The following NAALADL2 variants were observed in gnomAD, a reference collection of about 807,000 sequenced individuals.
NAALADL2 encodes N-acetylated alpha-linked acidic dipeptidase like 2, also known as inactive N-acetylated-alpha-linked acidic dipeptidase-like protein 2.
In NAALADL2, 76 loss-of-function variants were observed where a neutral mutation model predicts 87.2. That is an observed-to-expected ratio of 0.87 (90% confidence interval 0.72 to 1.05). The LOEUF (loss-of-function observed/expected upper bound fraction) is 1.05, where lower values mean the gene tolerates loss of function less well. Among genes scored for constraint, NAALADL2 ranks in the 50% least tolerant of loss-of-function variants. The pLI, the probability that NAALADL2 is intolerant of heterozygous loss-of-function variation, is 0.00. For synonymous variants in NAALADL2, 354 were observed against 331.0 expected, an observed-to-expected ratio of 1.07 and a Z score of -0.75; for missense variants, 1,089 against 945.8, an observed-to-expected ratio of 1.15 and a Z score of -1.99.
chr3:175,736,395 G>A (rs969715573), intron 11 of NAALADL2, among the ~76,000 whole-genome samples: 2 of 152,278 alleles, frequency 1.3e-5, no homozygotes, highest in Admixed American at 6.5e-5. Context: ...TAGAATAAAA[G>A]CATGAAGAAA....
chr3:174,974,284 T>C (rs566924881), intron 1 of NAALADL2, among the ~76,000 whole-genome samples: 1 of 152,340 alleles, frequency 6.6e-6, no homozygotes, highest in African/African-American at 2.4e-5. Flanking sequence ...AGTGGTGTGC[T>C]GTAAGGAAAA....
chr3:174,993,648 G>A (rs1270473111), intron 1 of NAALADL2, among the ~76,000 whole-genome samples: 2 of 152,188 alleles, frequency 1.3e-5, no homozygotes, highest in East Asian at 3.9e-4. Flanking sequence ...TTAGGACATA[G>A]AAAAGATGTA....
intron 11 of NAALADL2, among the ~76,000 whole-genome samples, chr3:175,683,285 T>C (rs1735844513): frequency 1.3e-5 from 2 of 152,016 alleles, no homozygotes; most frequent in Non-Finnish European, 2.9e-5. Context: ...CAATTGTATT[T>C]TTCCAGAAAA....
At position 175,803,240 on chromosome 3, in the gene NAALADL2, T is replaced by A; in HGVS notation, c.*37T>A. 6.7e-7 allele frequency: 1 copy of A among 1,491,410 alleles called. No homozygotes were observed. The highest frequency in any genetic ancestry group is 9.1e-7 in the Non-Finnish European group (1 of 1,099,582). The allele number at this position is 1,491,410 out of a possible 1,614,324, so 92.4% of individuals were successfully genotyped here. Reference sequence around the variant, plus strand: ...GCATTTTTAAAAGTTTGTTTACAATTCCACAAGCAAAAGCTCTAATTTAAC... The same window carrying A: ...GCATTTTTAAAAGTTTGTTTACAATACCACAAGCAAAAGCTCTAATTTAAC... On this transcript the variant is annotated 3_prime_UTR_variant, in exon 14 of 14. Coordinates refer to ENST00000454872, the MANE Select transcript of NAALADL2 (RefSeq NM_207015.3).
intron 1 of NAALADL2, among the ~76,000 whole-genome samples, chr3:174,867,668 A>G (rs1727326053): frequency 6.6e-6 from 1 of 152,116 alleles, no homozygotes; most frequent in South Asian, 2.1e-4. Context: ...TTATTCTAAC[A>G]TGAAAATTAG....
chr3:175,393,280 C>CAAAAAAAAAAAAAA lies in NAALADL2; in HGVS notation c.1091-53926_1091-53913dup, dbSNP rs775778803. On this transcript the variant is annotated intron_variant, in intron 5 of 13. Coordinates refer to ENST00000454872, the MANE Select transcript of NAALADL2 (RefSeq NM_207015.3). The stretch of plus-strand genomic sequence containing the variant: ...TGGGCGACAGAGCGAGACTCCGTCT[C>CAAAAAAAAAAAAAA]AAAAAAAAAAAAAAAAAAAAAAAAA... 4.4e-4 allele frequency among the ~76,000 whole-genome samples: 13 copies of CAAAAAAAAAAAAAA among 29,520 alleles called. 3 individuals carry two copies. The highest frequency in any genetic ancestry group is 5.7e-4 in the African/African-American group (4 of 6,992). 19.4% of individuals were successfully genotyped at this position (29,520 alleles called of 152,430 possible). A position where few individuals can be genotyped will look rare whatever the true frequency, so the allele number is the denominator to read the frequency against.
intron 1 of NAALADL2, among the ~76,000 whole-genome samples, chr3:174,515,227 A>G (rs1392793866): frequency 6.6e-6 from 1 of 152,098 alleles, no homozygotes; most frequent in Non-Finnish European, 1.5e-5. Flanking sequence ...GCCCTTTTCT[A>G]TTGGGCTCAT....
chr3:175,698,928 A>C (rs1030459842), intron 11 of NAALADL2, among the ~76,000 whole-genome samples: 4 of 151,982 alleles, frequency 2.6e-5, no homozygotes, highest in African/African-American at 9.7e-5. Flanking sequence ...ACATAAAACT[A>C]TCTAGCACTA....
chr3:175,156,202 T>C (rs1004041703), intron 2 of NAALADL2, among the ~76,000 whole-genome samples: 1 of 152,166 alleles, frequency 6.6e-6, no homozygotes, highest in Non-Finnish European at 1.5e-5. Flanking sequence ...TCTTCCATAT[T>C]TGAAGCTATC....
chr3:175,339,682 A>G (rs1470059842), intron 5 of NAALADL2, among the ~76,000 whole-genome samples: 1 of 152,186 alleles, frequency 6.6e-6, no homozygotes, highest in Non-Finnish European at 1.5e-5. Flanking sequence ...CCAGAAAACT[A>G]CATGTAACAT....
intron 9 of NAALADL2, among the ~76,000 whole-genome samples, chr3:175,517,503 C>T (rs1003455979): frequency 1.3e-5 from 2 of 152,016 alleles, no homozygotes; most frequent in Non-Finnish European, 2.9e-5. Context: ...CATATAAATA[C>T]ATTTCATGGC....
intron 5 of NAALADL2, among the ~76,000 whole-genome samples, chr3:175,391,364 A>T (rs1769044814): frequency 6.6e-6 from 1 of 152,214 alleles, no homozygotes; most frequent in Admixed American, 6.5e-5. Flanking sequence ...TTTCAATATT[A>T]GATTACAAAG....
At chr3:175,442,705 C>G (rs1189258699) in intron 5 of NAALADL2, among the ~76,000 whole-genome samples, 1 of 152,158 alleles carries the variant, frequency 6.6e-6, no homozygotes, top group Non-Finnish European at 1.5e-5. Flanking sequence ...CGTAATGGGT[C>G]TGTTTGAGTC....
At chr3:174,882,427 G>T (rs1040747982) in intron 1 of NAALADL2, among the ~76,000 whole-genome samples, 2 of 144,878 alleles carry the variant, frequency 1.4e-5, no homozygotes, top group African/African-American at 5.5e-5. Context: ...TATGTGTGTT[G>T]TGTGTGTGTG....
chr3:175,797,059 A>G (rs1753587450), intron 13 of NAALADL2, among the ~76,000 whole-genome samples: 1 of 151,662 alleles, frequency 6.6e-6, no homozygotes, highest in Non-Finnish European at 1.5e-5. Flanking sequence ...TAGGTTTCTG[A>G]GTTTGGCGCT....
intron 2 of NAALADL2, among the ~76,000 whole-genome samples, chr3:175,199,829 TATATATATATATATATATATA>T (rs1739553999): frequency 1.1e-4 from 1 of 9,130 alleles, no homozygotes; most frequent in Non-Finnish European, 2.2e-4. Context: ...AATATATATA[TATATATATATATATATATATA>T]TATATATATA....
chr3:175,494,223 C>T (rs1056340393), intron 9 of NAALADL2, among the ~76,000 whole-genome samples: 1 of 151,826 alleles, frequency 6.6e-6, no homozygotes, highest in African/African-American at 2.4e-5. Context: ...TAACTATTTT[C>T]CCATGTTATT....
chr3:175,335,164 G>A (rs79274286), intron 5 of NAALADL2, among the ~76,000 whole-genome samples: 2,491 of 152,198 alleles, frequency 0.016, 153 homozygotes, highest in East Asian at 0.16. Flanking sequence ...GAGCTGTGCT[G>A]TCCAATATGA....
chr3:175,055,291 G>A (rs934024014), intron 1 of NAALADL2, among the ~76,000 whole-genome samples: 1 of 152,196 alleles, frequency 6.6e-6, no homozygotes, highest in African/African-American at 2.4e-5. Context: ...GGGAACAGAA[G>A]TAGATATAAC....
Sources: gnomAD v4.1 joint callset for allele counts (sites outside exome capture counted in the v4.1 genomes callset) on GRCh38, gnomAD v4.1.1 for gene constraint, MANE v1.5 for transcripts, NCBI Gene and HGNC (gene_info 2026-07-23, HGNC 2026-07-21) for gene names.